The following SNTG1 variants were observed in gnomAD, a reference collection of about 807,000 sequenced individuals.
The protein encoded by SNTG1 is syntrophin gamma 1.
Under a neutral mutation model 74.7 loss-of-function variants are expected in SNTG1, and 39 were observed. The ratio of observed to expected loss-of-function variants is 0.52; its 90% confidence interval spans 0.40 to 0.68. The LOEUF (loss-of-function observed/expected upper bound fraction) is 0.68. Ranked by LOEUF, SNTG1 falls within the 30% of genes least tolerant of loss-of-function variation. The pLI is 0.00. For missense variants in SNTG1, 685 were observed against 609.5 expected, an observed-to-expected ratio of 1.12 and a Z score of -1.30; for synonymous variants, 254 against 217.1, an observed-to-expected ratio of 1.17 and a Z score of -1.49.
At chr8:50,386,210 A>T (rs987797085) in intron 2 of SNTG1, among the ~76,000 whole-genome samples, 1 of 152,026 alleles carries the variant, frequency 6.6e-6, no homozygotes, top group Non-Finnish European at 1.5e-5. Flanking sequence ...TTCACAGACT[A>T]CCTTGGCCTT....
intron 1 of SNTG1, among the ~76,000 whole-genome samples, chr8:50,168,886 T>A (rs1365189036): frequency 6.6e-6 from 1 of 152,196 alleles, no homozygotes; most frequent in Non-Finnish European, 1.5e-5. Flanking sequence ...AGTACCTGAT[T>A]ATGAAAAGCA....
intron 2 of SNTG1, among the ~76,000 whole-genome samples, chr8:50,258,901 G>T (rs532959092): frequency 6.6e-6 from 1 of 152,162 alleles, no homozygotes; most frequent in South Asian, 2.1e-4. Context: ...CATAGTAGTT[G>T]AAAATGCTCT....
intron 1 of SNTG1, among the ~76,000 whole-genome samples, chr8:50,073,787 C>T (rs1036902174): frequency 2.0e-5 from 3 of 151,778 alleles, no homozygotes; most frequent in African/African-American, 7.3e-5. Context: ...CAATAGCAGT[C>T]TGCTTTTGAA....
chr8:50,642,682 A>T (rs2095081420), intron 13 of SNTG1, among the ~76,000 whole-genome samples: 1 of 152,068 alleles, frequency 6.6e-6, no homozygotes, highest in South Asian at 2.1e-4. Context: ...CAAATGTCCC[A>T]TTGGTGTGAT....
At chr8:50,233,828 T>C (rs1359710177) in intron 2 of SNTG1, among the ~76,000 whole-genome samples, 1 of 151,706 alleles carries the variant, frequency 6.6e-6, no homozygotes, top group Non-Finnish European at 1.5e-5. Flanking sequence ...TTTAAGGAAA[T>C]GAAAATCATC....
intron 5 of SNTG1, among the ~76,000 whole-genome samples, chr8:50,443,214 T>A (rs1252101209): frequency 6.6e-6 from 1 of 152,182 alleles, no homozygotes; most frequent in Non-Finnish European, 1.5e-5. Flanking sequence ...ATCTCTCATA[T>A]CTTTTAAAAT....
rs568870276 is a variant in SNTG1, at chr8:50,728,956, T to A, written c.1284+19978T>A. 1.1e-4 allele frequency among the ~76,000 whole-genome samples: 16 copies of A among 152,308 alleles called. No homozygotes were observed. In the East Asian group the frequency reaches 2.9e-3, roughly 28 times the overall value. On this transcript the variant is annotated intron_variant, in intron 17 of 18. Transcript: ENST00000642720. ...GCAGTGGGGAGCATTTTCTCCTCAC[T>A]TATGTTTTAAGAACAACTAACTGAG...
intron 15 of SNTG1, among the ~76,000 whole-genome samples, chr8:50,688,762 A>G (rs1158014638): frequency 6.6e-6 from 1 of 152,002 alleles, no homozygotes; most frequent in East Asian, 1.9e-4. Flanking sequence ...TTCCATATGA[A>G]CTTTAAAGTA....
At chr8:50,698,663 G>T (rs1334403999) in intron 15 of SNTG1, among the ~76,000 whole-genome samples, 1 of 152,134 alleles carries the variant, frequency 6.6e-6, no homozygotes, top group African/African-American at 2.4e-5. Flanking sequence ...TTTCAGGACT[G>T]TGCACAGCTT....
At chr8:50,515,670 G>A (rs1435618242) in intron 9 of SNTG1, among the ~76,000 whole-genome samples, 1 of 152,124 alleles carries the variant, frequency 6.6e-6, no homozygotes, top group Non-Finnish European at 1.5e-5. Context: ...TCCTCACAGT[G>A]TAAACAAAGT....
chr8:50,667,005 G>T (rs2131320124), intron 15 of SNTG1, among the ~76,000 whole-genome samples: 1 of 151,842 alleles, frequency 6.6e-6, no homozygotes, highest in African/African-American at 2.4e-5. Context: ...TAATAGAAAA[G>T]AGATGCTCCA....
intron 2 of SNTG1, among the ~76,000 whole-genome samples, chr8:50,200,618 T>C (rs1005278756): frequency 6.6e-6 from 1 of 152,108 alleles, no homozygotes; most frequent in Non-Finnish European, 1.5e-5. Context: ...TCCTCAACTC[T>C]AGTCAATTTA....
chr8:50,393,036 A>C (rs2092683184), intron 2 of SNTG1, among the ~76,000 whole-genome samples: 1 of 151,802 alleles, frequency 6.6e-6, no homozygotes, highest in Non-Finnish European at 1.5e-5. Flanking sequence ...GTTAGAGACA[A>C]GAAGATATTT....
chr8:50,400,957 T>G (rs2092796528), intron 3 of SNTG1, among the ~76,000 whole-genome samples: 1 of 152,160 alleles, frequency 6.6e-6, no homozygotes, highest in Non-Finnish European at 1.5e-5. Flanking sequence ...TTTTGAATGT[T>G]CTCACAACAC....
At chr8:49,972,765 G>T (rs1367862266) in intron 1 of SNTG1, among the ~76,000 whole-genome samples, 2 of 152,134 alleles carry the variant, frequency 1.3e-5, no homozygotes, top group Non-Finnish European at 2.9e-5. Flanking sequence ...GTGAAAAAAT[G>T]CTCATCATCA....
At chr8:50,529,831 A>C (rs1585587578) in intron 9 of SNTG1, among the ~76,000 whole-genome samples, 1 of 151,530 alleles carries the variant, frequency 6.6e-6, no homozygotes, top group Non-Finnish European at 1.5e-5. Context: ...AGAACTCTGT[A>C]GACAACCAAA....
At position 50,183,871 on chromosome 8, in the gene SNTG1, C is replaced by T. The variant is rs537234895; in HGVS notation, c.-28+11236C>T. Among the ~76,000 whole-genome samples, 6 of 152,202 alleles carry T rather than the reference C, an allele frequency of 3.9e-5. No individual in the cohort carries two copies. In the South Asian group the frequency reaches 1.2e-3, roughly 32 times the overall value. On this transcript the variant is annotated intron_variant, in intron 2 of 18. Transcript: ENST00000642720. ...GTCTTTTATCGCTGTATTTAATAAC[C>T]TTGCCTTAACTTTACTACTATAGCA...
chr8:50,420,991 C>G (rs920751302), intron 4 of SNTG1, among the ~76,000 whole-genome samples: 2 of 133,920 alleles, frequency 1.5e-5, no homozygotes, highest in Admixed American at 1.8e-4. Context: ...TACCACTGCA[C>G]TCCAGCCTGG....
At chr8:50,095,300 C>T (rs941112609) in intron 1 of SNTG1, among the ~76,000 whole-genome samples, 3 of 152,022 alleles carry the variant, frequency 2.0e-5, no homozygotes, top group Admixed American at 6.6e-5. Context: ...TACCCCCAAA[C>T]CTACAATAAA....
Sources: gnomAD v4.1 joint callset for allele counts (sites outside exome capture counted in the v4.1 genomes callset) on GRCh38, gnomAD v4.1.1 for gene constraint, MANE v1.5 for transcripts, NCBI Gene and HGNC (gene_info 2026-07-23, HGNC 2026-07-21) for gene names.